Variants in GBE1 observed in about 807,000 individuals in gnomAD.
GBE1 encodes the protein 1,4-alpha-glucan branching enzyme 1, also known as 1,4-alpha-glucan-branching enzyme.
GBE1 carries 70 observed loss-of-function variants against 88.8 expected under a neutral mutation model. That is an observed-to-expected ratio of 0.79 (90% CI 0.65 to 0.96). GBE1 has a LOEUF of 0.96. Ranked by LOEUF, GBE1 falls within the 40% of genes least tolerant of loss-of-function variation. The pLI is 0.00. For missense variants in GBE1, 872 were observed against 871.0 expected, an observed-to-expected ratio of 1.00 and a Z score of -0.01; for synonymous variants, 284 against 300.1, an observed-to-expected ratio of 0.95 and a Z score of 0.56.
At chr3:81,626,219 T>C (rs906762256) in intron 7 of GBE1, among the ~76,000 whole-genome samples, 1 of 152,154 alleles carries the variant, frequency 6.6e-6, no homozygotes, top group Non-Finnish European at 1.5e-5. Context: ...TATATCTGTA[T>C]TGGTTAAGGT....
chr3:81,556,867 G>A (rs1278471101), intron 12 of GBE1, among the ~76,000 whole-genome samples: 1 of 151,734 alleles, frequency 6.6e-6, no homozygotes, highest in Admixed American at 6.6e-5. Context: ...GGATACAAAG[G>A]ACATAAATTT....
intron 12 of GBE1, among the ~76,000 whole-genome samples, chr3:81,559,523 G>A (rs1002712177): frequency 6.6e-6 from 1 of 151,640 alleles, no homozygotes; most frequent in African/African-American, 2.4e-5. Flanking sequence ...TTGCATATCT[G>A]TTTATATGCT....
intron 2 of GBE1, among the ~76,000 whole-genome samples, chr3:81,693,444 A>C (rs1705549690): frequency 6.6e-6 from 1 of 152,132 alleles, no homozygotes; most frequent in African/African-American, 2.4e-5. Context: ...ACTACTTATA[A>C]TAACATCAAA....
At chr3:81,667,860 T>G (rs1705135502) in intron 3 of GBE1, among the ~76,000 whole-genome samples, 1 of 152,160 alleles carries the variant, frequency 6.6e-6, no homozygotes, top group Admixed American at 6.6e-5. Context: ...CGTATTTTAT[T>G]GAGGACTTTT....
chr3:81,541,455 C>G (rs1466473699), intron 12 of GBE1, among the ~76,000 whole-genome samples: 1 of 150,962 alleles, frequency 6.6e-6, no homozygotes, highest in South Asian at 2.1e-4. Context: ...AAGTTGCCCC[C>G]CCCGCCACCT....
At chr3:81,743,473 T>G in intron 1 of GBE1, 1 of 916,194 alleles carries the variant, frequency 1.1e-6, no homozygotes, top group Non-Finnish European at 1.7e-6. Flanking sequence ...TAGTTTTAAG[T>G]TTTAACAGAG....
chr3:81,581,335 T>C (rs1196808415), intron 10 of GBE1, 60 bp from the exon 11 acceptor site: 2 of 962,230 alleles, frequency 2.1e-6, no homozygotes, highest in African/African-American at 1.7e-5. Context: ...TATTTTTAAA[T>C]CACAATCTGA....
In GBE1 at chr3:81,586,136, A is replaced by T; in HGVS notation, c.1291T>A (p.Phe431Ile). Reference sequence around the variant, plus strand: ...ATTGCCATGGCTAGTCGATAGTCAAAACCACCCCCTCCCTGGGAAATTGGA... The same window carrying T: ...ATTGCCATGGCTAGTCGATAGTCAATACCACCCCCTCCCTGGGAAATTGGA... ...CSPISQGGGG[F>I]DYRLAMAIPD... The change falls in exon 10 of 16, where the codon TTT becomes ATT. Residue 431 changes from phenylalanine to isoleucine, a missense_variant. Coordinates refer to ENST00000429644, the MANE Select transcript of GBE1 (RefSeq NM_000158.4). 7.5e-6 allele frequency: 12 copies of T among 1,610,486 alleles called. No individual in the cohort carries two copies. The highest frequency in any genetic ancestry group is 9.3e-6 in the Non-Finnish European group (11 of 1,178,676).
intron 2 of GBE1, among the ~76,000 whole-genome samples, chr3:81,693,745 C>G (rs1705554049): frequency 6.6e-6 from 1 of 151,888 alleles, no homozygotes; most frequent in Non-Finnish European, 1.5e-5. Flanking sequence ...AACACACAAA[C>G]ACACACACAC....
intron 12 of GBE1, among the ~76,000 whole-genome samples, chr3:81,566,602 T>G (rs537441205): frequency 7.2e-5 from 11 of 152,312 alleles, no homozygotes; most frequent in Non-Finnish European, 1.3e-4. Context: ...AGTTCTCTGG[T>G]ATTTTCACTC....
chr3:81,616,226 C>A (rs1345991690), intron 7 of GBE1, among the ~76,000 whole-genome samples: 2 of 152,114 alleles, frequency 1.3e-5, no homozygotes, highest in Admixed American at 6.6e-5. Context: ...TTGAAGTAGT[C>A]CAATTTATCA....
chr3:81,527,343 T>C (rs1702956229), intron 14 of GBE1, among the ~76,000 whole-genome samples: 1 of 152,126 alleles, frequency 6.6e-6, no homozygotes, highest in South Asian at 2.1e-4. Context: ...CCAAAAGCAA[T>C]GGCAACAAAA....
chr3:81,725,579 T>C (rs1386279671), intron 1 of GBE1, among the ~76,000 whole-genome samples: 1 of 152,224 alleles, frequency 6.6e-6, no homozygotes, highest in African/African-American at 2.4e-5. Flanking sequence ...TATAGTATAA[T>C]AAATACATAA....
intron 2 of GBE1, among the ~76,000 whole-genome samples, chr3:81,690,104 C>T (rs1705498166): frequency 1.3e-5 from 2 of 152,142 alleles, no homozygotes; most frequent in Admixed American, 6.5e-5. Context: ...AGACAGAGAA[C>T]TATGTGCTTT....
intron 14 of GBE1, among the ~76,000 whole-genome samples, chr3:81,507,707 T>C (rs1425649028): frequency 6.6e-6 from 1 of 151,904 alleles, no homozygotes; most frequent in Non-Finnish European, 1.5e-5. Flanking sequence ...TATATATTTG[T>C]TGTTATTAGA....
chr3:81,703,119 TA>T (rs892860855), intron 2 of GBE1, among the ~76,000 whole-genome samples: 48 of 151,974 alleles, frequency 3.2e-4, no homozygotes, highest in African/African-American at 1.1e-3. Flanking sequence ...CATGGAATTT[TA>T]AAAAAGAAAA....
chr3:81,693,949 A>G (rs1705556427), intron 2 of GBE1, among the ~76,000 whole-genome samples: 1 of 152,214 alleles, frequency 6.6e-6, no homozygotes, highest in African/African-American at 2.4e-5. Context: ...ATGTATTGGT[A>G]ATCATGTATA....
chr3:81,525,697 C>T (rs1359376350), intron 14 of GBE1, among the ~76,000 whole-genome samples: 1 of 151,988 alleles, frequency 6.6e-6, no homozygotes, highest in Non-Finnish European at 1.5e-5. Context: ...TTAATTATTG[C>T]CTCAATTTCA....
In GBE1 at chr3:81,535,329, C is replaced by T. The variant is rs1286112203; in HGVS notation, c.1804-4G>A. 1 of 1,596,730 alleles carries T rather than the reference C, an allele frequency of 6.3e-7. No individual in the cohort carries two copies. Among genetic ancestry groups the T allele is most frequent in the Non-Finnish European group, 8.5e-7 (1 of 1,174,154 alleles). ...CATGTTTTTCACTCACGTAGGCCTGCAAGAATTAGCACACATGTTACATTT... is the reference window on the plus strand; with the variant it reads ...CATGTTTTTCACTCACGTAGGCCTGTAAGAATTAGCACACATGTTACATTT... On this transcript the variant is annotated splice_region_variant and splice_polypyrimidine_tract_variant and intron_variant, in intron 13 of 15. Transcript: ENST00000429644.
Sources: gnomAD v4.1 joint callset for allele counts (sites outside exome capture counted in the v4.1 genomes callset) on GRCh38, gnomAD v4.1.1 for gene constraint, MANE v1.5 for transcripts, NCBI Gene and HGNC (gene_info 2026-07-23, HGNC 2026-07-21) for gene names.